ST6GALNAC3: variants seen among roughly 807,000 people sequenced by gnomAD.
The protein encoded by ST6GALNAC3 is alpha-N-acetylgalactosaminide alpha-2,6-sialyltransferase 3.
Under a neutral mutation model 32.7 loss-of-function variants are expected in ST6GALNAC3, and 25 were observed. The ratio of observed to expected loss-of-function variants is 0.76; its 90% CI spans 0.56 to 1.07. ST6GALNAC3 has a LOEUF of 1.07. Among genes scored for constraint, ST6GALNAC3 ranks in the 50% least tolerant of loss-of-function variants. ST6GALNAC3 has a pLI of 0.00. For synonymous variants in ST6GALNAC3, 129 were observed against 133.1 expected, an observed-to-expected ratio of 0.97 and a Z score of 0.21; for missense variants, 355 against 382.4, an observed-to-expected ratio of 0.93 and a Z score of 0.60.
At chr1:76,342,029 G>A (rs1398491913) in intron 2 of ST6GALNAC3, among the ~76,000 whole-genome samples, 1 of 152,042 alleles carries the variant, frequency 6.6e-6, no homozygotes, top group East Asian at 1.9e-4. Flanking sequence ...TCCCTGCAGA[G>A]GACATGAACT....
At chr1:76,233,854 A>G (rs891009635) in intron 1 of ST6GALNAC3, among the ~76,000 whole-genome samples, 3 of 152,200 alleles carry the variant, frequency 2.0e-5, no homozygotes, top group African/African-American at 7.2e-5. Context: ...TACTTTTTGT[A>G]TATATAAAGC....
chr1:76,612,809 A>G (rs1648022255), intron 3 of ST6GALNAC3, among the ~76,000 whole-genome samples: 2 of 152,360 alleles, frequency 1.3e-5, no homozygotes, highest in African/African-American at 4.8e-5. Flanking sequence ...GGTCAGGGCT[A>G]CTTAAAGAAG....
intron 3 of ST6GALNAC3, among the ~76,000 whole-genome samples, chr1:76,586,179 C>T (rs1199302553): frequency 6.6e-6 from 1 of 152,156 alleles, no homozygotes; most frequent in Admixed American, 6.5e-5. Context: ...TTGCATTTTG[C>T]TCACAGGCAC....
chr1:76,167,597 T>C (rs575921977), intron 1 of ST6GALNAC3, among the ~76,000 whole-genome samples: 1 of 152,330 alleles, frequency 6.6e-6, no homozygotes, highest in Admixed American at 6.5e-5. Flanking sequence ...CTGGTGGAAT[T>C]CAGCTGTGAA....
At chr1:76,439,810 TAG>T (rs1226615007) in intron 3 of ST6GALNAC3, among the ~76,000 whole-genome samples, 2 of 152,292 alleles carry the variant, frequency 1.3e-5, no homozygotes, top group East Asian at 3.9e-4. Flanking sequence ...GAGTCTACAG[TAG>T]AAAAGATGGC....
intron 1 of ST6GALNAC3, among the ~76,000 whole-genome samples, chr1:76,091,878 C>T (rs1186950136): frequency 1.3e-5 from 2 of 152,106 alleles, no homozygotes; most frequent in Non-Finnish European, 2.9e-5. Flanking sequence ...AGAACATATC[C>T]CTATCATTGA....
At chr1:76,425,379 C>T (rs1032376839) in intron 3 of ST6GALNAC3, among the ~76,000 whole-genome samples, 4 of 151,964 alleles carry the variant, frequency 2.6e-5, no homozygotes, top group South Asian at 4.1e-4. Flanking sequence ...TACAACCATA[C>T]GCCCTCACCC....
chr1:76,148,286 T>C (rs147101273), intron 1 of ST6GALNAC3, among the ~76,000 whole-genome samples: 33 of 152,338 alleles, frequency 2.2e-4, no homozygotes, highest in African/African-American at 7.7e-4. Context: ...AGGCATTTCT[T>C]TGATATATAA....
intron 3 of ST6GALNAC3, among the ~76,000 whole-genome samples, chr1:76,437,596 T>C (rs11581791): frequency 0.16 from 18,046 of 109,880 alleles, 1,355 homozygotes; most frequent in Middle Eastern, 0.33. Flanking sequence ...TTTTTTTTTT[T>C]GAGACGGAGT....
At chr1:76,327,118 A>G (rs530580838) in intron 2 of ST6GALNAC3, among the ~76,000 whole-genome samples, 1 of 152,266 alleles carries the variant, frequency 6.6e-6, no homozygotes, top group South Asian at 2.1e-4. Context: ...CCTGGCATCT[A>G]TTGAAATGAC....
chr1:76,272,685 A>G (rs1436315270), intron 1 of ST6GALNAC3, among the ~76,000 whole-genome samples: 13 of 152,140 alleles, frequency 8.5e-5, no homozygotes, highest in Admixed American at 8.5e-4. Context: ...CATCTCTATC[A>G]TCAGGTGTCA....
intron 3 of ST6GALNAC3, among the ~76,000 whole-genome samples, chr1:76,446,071 A>G (rs1022597271): frequency 3.9e-5 from 6 of 152,196 alleles, no homozygotes; most frequent in African/African-American, 1.4e-4. Flanking sequence ...AGTGTTTATA[A>G]CTGTATAAAT....
At chr1:76,500,837 T>G (rs760762884) in intron 3 of ST6GALNAC3, among the ~76,000 whole-genome samples, 9 of 152,208 alleles carry the variant, frequency 5.9e-5, no homozygotes, top group African/African-American at 1.2e-4. Context: ...TGTATATAGA[T>G]GTACACTCAA....
chr1:76,132,095 C>A (rs1229202719), intron 1 of ST6GALNAC3, among the ~76,000 whole-genome samples: 1 of 152,176 alleles, frequency 6.6e-6, no homozygotes, highest in Non-Finnish European at 1.5e-5. Flanking sequence ...GTCTCATAGC[C>A]CCATGCTTGT....
At chr1:76,362,715 G>A (rs1452096493) in intron 2 of ST6GALNAC3, among the ~76,000 whole-genome samples, 2 of 152,222 alleles carry the variant, frequency 1.3e-5, no homozygotes, top group Admixed American at 1.3e-4. Context: ...ACATTTTAAA[G>A]CTTCAAAGTA....
At chr1:76,386,747 A>T (rs61459883) in intron 2 of ST6GALNAC3, among the ~76,000 whole-genome samples, 7,884 of 152,240 alleles carry the variant, frequency 0.052, 246 homozygotes, top group African/African-American at 0.086. Context: ...CTACCTGCTT[A>T]TCTCCTGATA....
intron 3 of ST6GALNAC3, among the ~76,000 whole-genome samples, chr1:76,602,618 T>C (rs1311761235): frequency 6.6e-6 from 1 of 152,150 alleles, no homozygotes; most frequent in Non-Finnish European, 1.5e-5. Flanking sequence ...AGTTAGGGAT[T>C]GATTTCTGAA....
In ST6GALNAC3 at chr1:76,559,077, T is replaced by C. The variant is rs184765576; in HGVS notation, c.624-68375T>C. ...CTTATTAAATAATAGAGAAAATGCATAGATAATATATCTTTTTCCTTTTTC... is the reference window on the plus strand; with the variant it reads ...CTTATTAAATAATAGAGAAAATGCACAGATAATATATCTTTTTCCTTTTTC... On this transcript the variant is annotated intron_variant, in intron 3 of 4. Coordinates refer to ENST00000328299, the MANE Select transcript of ST6GALNAC3 (RefSeq NM_152996.4). 3.8e-3 allele frequency among the ~76,000 whole-genome samples: 586 copies of C among 152,298 alleles called. 1 individual carries two copies. The highest frequency in any genetic ancestry group is 7.3e-3 in the Admixed American group (112 of 15,286).
At chr1:76,506,789 T>C (rs1239671731) in intron 3 of ST6GALNAC3, among the ~76,000 whole-genome samples, 1 of 152,180 alleles carries the variant, frequency 6.6e-6, no homozygotes, top group Non-Finnish European at 1.5e-5. Flanking sequence ...TCAAATCATG[T>C]CACAAAGGCA....
Sources: gnomAD v4.1 joint callset for allele counts (sites outside exome capture counted in the v4.1 genomes callset) on GRCh38, gnomAD v4.1.1 for gene constraint, MANE v1.5 for transcripts, NCBI Gene and HGNC (gene_info 2026-07-23, HGNC 2026-07-21) for gene names.